SAMSN1: variants seen among roughly 807,000 people sequenced by gnomAD.
SAMSN1 encodes SAM domain, SH3 domain and nuclear localization signals 1.
A neutral mutation model predicts 42.0 loss-of-function variants in SAMSN1; 31 were observed. The ratio of observed to expected loss-of-function variants is 0.74; its 90% CI spans 0.55 to 1.00. The LOEUF is 1.00. SAMSN1 is among the 50% of genes least tolerant of loss of function. SAMSN1 has a pLI of 0.00. For missense variants in SAMSN1, 464 were observed against 439.4 expected (o/e 1.06, Z -0.50); for synonymous variants, 178 against 151.9 (o/e 1.17, Z -1.26).
rs529261974 is a variant in SAMSN1 at position 14,653,610 on chromosome 21, T to C, written c.24+5138A>G. On this transcript the variant is annotated intron_variant, in intron 1 of 15. Transcript: ENST00000647101. ...AGCACAATAGGGTGACTATTGTCAA[T>C]AATAACTTAATCGTACATTTTAAAA... Among the ~76,000 whole-genome samples, 6 of 152,118 alleles carry C rather than the reference T, an allele frequency of 3.9e-5. No individual in the cohort carries two copies. The East Asian group carries it at 7.7e-4, about 20-fold the overall frequency.
At chr21:14,489,494 T>C (rs1467079868) in intron 7 of SAMSN1, among the ~76,000 whole-genome samples, 1 of 152,116 alleles carries the variant, frequency 6.6e-6, no homozygotes, top group Non-Finnish European at 1.5e-5. Flanking sequence ...ATTAAAACGG[T>C]ATAATTTTTC....
rs578002721 is a variant in SAMSN1 at position 14,595,213 on chromosome 21, C to A, written c.400-1135G>T. 4.4e-4 allele frequency among the ~76,000 whole-genome samples: 67 copies of A among 152,196 alleles called. 1 individual carries two copies. The highest frequency in any genetic ancestry group is 1.5e-3 in the South Asian group (7 of 4,818). On this transcript the variant is annotated intron_variant, in intron 6 of 15. Transcript: ENST00000647101. ...ACCACAGTTCAACAGGAGATTTGGG[C>A]AGGAACACTTACACAAATTATATCA...
At chr21:14,656,638 A>T (rs987080279) in intron 1 of SAMSN1, among the ~76,000 whole-genome samples, 1 of 151,752 alleles carries the variant, frequency 6.6e-6, no homozygotes, top group Admixed American at 6.6e-5. Flanking sequence ...TGAAAGATAG[A>T]CCCCATTTCA....
chr21:14,609,751 GC>G (rs1312716566), intron 4 of SAMSN1, among the ~76,000 whole-genome samples: 2 of 152,212 alleles, frequency 1.3e-5, no homozygotes, highest in Non-Finnish European at 2.9e-5. Context: ...ACCGGCTGAA[GC>G]CATGGCAGAA....
At chr21:14,516,152 A>G (rs991629254) in intron 3 of SAMSN1, among the ~76,000 whole-genome samples, 4 of 152,222 alleles carry the variant, frequency 2.6e-5, no homozygotes, top group Admixed American at 2.6e-4. Context: ...AAATGAAAAA[A>G]TATTTCCACA....
intron 2 of SAMSN1, among the ~76,000 whole-genome samples, chr21:14,554,822 C>T (rs187647018): frequency 7.2e-5 from 11 of 151,834 alleles, no homozygotes; most frequent in Admixed American, 3.9e-4. Context: ...CCTCAGTCTC[C>T]TAACTAGCTG....
chr21:14,501,411 A>T (rs1987146321), intron 5 of SAMSN1, among the ~76,000 whole-genome samples: 1 of 152,208 alleles, frequency 6.6e-6, no homozygotes. Flanking sequence ...GAGATATTAA[A>T]CGACTTCTCA....
chr21:14,624,268 A>G (rs1213791730), intron 2 of SAMSN1, among the ~76,000 whole-genome samples: 1 of 152,218 alleles, frequency 6.6e-6, no homozygotes, highest in Non-Finnish European at 1.5e-5. Context: ...GCAAGAAATA[A>G]CTAAGATCAG....
At chr21:14,501,763 C>T (rs948815923) in intron 5 of SAMSN1, among the ~76,000 whole-genome samples, 2 of 152,126 alleles carry the variant, frequency 1.3e-5, no homozygotes, top group Non-Finnish European at 2.9e-5. Context: ...TTCATGCTCT[C>T]CTCTTATTAA....
chr21:14,658,902 T>C (rs1983956994), upstream of SAMSN1: 1 of 646,958 alleles, frequency 1.5e-6, no homozygotes, highest in African/African-American at 1.8e-5. Context: ...CCTGCCATAA[T>C]CCAGGGGATT....
intron 1 of SAMSN1, among the ~76,000 whole-genome samples, chr21:14,544,891 T>A (rs1203584727): frequency 6.6e-6 from 1 of 152,152 alleles, no homozygotes; most frequent in Non-Finnish European, 1.5e-5. Context: ...ACTTTTATGA[T>A]CTTCCCTAAA....
At chr21:14,593,373 A>G (rs77760697) in intron 7 of SAMSN1, among the ~76,000 whole-genome samples, 1 of 152,098 alleles carries the variant, frequency 6.6e-6, no homozygotes, top group East Asian at 1.9e-4. Flanking sequence ...GTTTCATATC[A>G]ATAATGCTAT....
chr21:14,652,346 C>G (rs556095064), intron 1 of SAMSN1, among the ~76,000 whole-genome samples: 3 of 152,026 alleles, frequency 2.0e-5, no homozygotes, highest in Admixed American at 1.3e-4. Flanking sequence ...TACAGACACA[C>G]AGACCAATGT....
chr21:14,500,402 G>GA, intron 6 of SAMSN1, 127 bp downstream of exon 6: 1 of 740,418 alleles, frequency 1.4e-6, no homozygotes, highest in East Asian at 2.7e-5. Context: ...AGCTCTTCTA[G>GA]GAAAACAGGT....
In SAMSN1 at chr21:14,510,334, A is replaced by T; in HGVS notation, c.537T>A (p.Tyr179Ter). The T allele has an allele frequency of 6.2e-7, 1 of 1,614,156 alleles. No individual in the cohort carries two copies. The highest frequency in any genetic ancestry group is 8.5e-7 in the Non-Finnish European group (1 of 1,180,010). Reference sequence around the variant, plus strand: ...CCTTGATTTTGAGGGAGTCAGTGTCATAGGGACTTGGCGTGAAATCCGTAT... The same window carrying T: ...CCTTGATTTTGAGGGAGTCAGTGTCTTAGGGACTTGGCGTGAAATCCGTAT... ...RVHTDFTPSP[Y>*]DTDSLKIKKG... is the part of the protein sequence containing the mutation. Residue 179 changes from tyrosine (Y) to a stop codon, truncating the protein, a stop_gained, in exon 5 of 8, where the codon TAT becomes TAA. Transcript: ENST00000400566. LOFTEE classifies it high-confidence loss of function.
At chr21:14,571,955 C>G (rs983768885) in intron 2 of SAMSN1, among the ~76,000 whole-genome samples, 1 of 152,114 alleles carries the variant, frequency 6.6e-6, no homozygotes, top group African/African-American at 2.4e-5. Flanking sequence ...ATGAAATAAT[C>G]TTAAAAACTA....
chr21:14,574,838 T>A (rs1981408387), intron 2 of SAMSN1, among the ~76,000 whole-genome samples: 2 of 152,218 alleles, frequency 1.3e-5, no homozygotes, highest in African/African-American at 2.4e-5. Context: ...TCTTCTACTA[T>A]TATAATATCT....
At chr21:14,613,908 G>A (rs1982769924) in intron 3 of SAMSN1, among the ~76,000 whole-genome samples, 1 of 151,772 alleles carries the variant, frequency 6.6e-6, no homozygotes, top group Non-Finnish European at 1.5e-5. Flanking sequence ...ATACAGTAGA[G>A]AAAAACATGC....
rs532656430 is a variant in SAMSN1, at chr21:14,638,196, A to G, written c.156+4806T>C. Among the ~76,000 whole-genome samples the G allele has an allele frequency of 3.9e-5, 6 of 152,340 alleles. No homozygotes were observed. The South Asian group carries it at 1.2e-3, about 32-fold the overall frequency. ...TTTGGAAAGTGGGATGTGAAAGTGGAGGCCACATCCGGTAGCCATGTTAAA... is the reference window on the plus strand; with the variant it reads ...TTTGGAAAGTGGGATGTGAAAGTGGGGGCCACATCCGGTAGCCATGTTAAA... On this transcript the variant is annotated intron_variant, in intron 2 of 15. Transcript: ENST00000647101.
Sources: gnomAD v4.1 joint callset for allele counts (sites outside exome capture counted in the v4.1 genomes callset) on GRCh38, gnomAD v4.1.1 for gene constraint, MANE v1.5 for transcripts, NCBI Gene and HGNC (gene_info 2026-07-23, HGNC 2026-07-21) for gene names.